Variants in ABCG5 observed in about 807,000 individuals in gnomAD.
ABCG5 encodes the protein ATP-binding cassette sub-family G member 5.
A neutral mutation model predicts 64.5 loss-of-function variants in ABCG5; 64 were observed. The observed-to-expected ratio is 0.99, with a 90% CI of 0.81 to 1.22. The LOEUF (loss-of-function observed/expected upper bound fraction) is 1.22, where lower values mean the gene tolerates loss of function less well. Ranked by LOEUF, ABCG5 falls within the 50% of genes most tolerant of loss-of-function variation. ABCG5 has a pLI of 0.00. For synonymous variants in ABCG5, 385 were observed against 326.3 expected, an observed-to-expected ratio of 1.18 and a Z score of -1.94; for missense variants, 908 against 829.5, an observed-to-expected ratio of 1.09 and a Z score of -1.16.
At chr2:43,838,916 G>T, upstream of ABCG5, 1 of 1,182,064 alleles carries the variant, frequency 8.5e-7, no homozygotes, top group Non-Finnish European at 1.2e-6. This position sits in a 1 kb window ranked among gnomAD's most constrained non-coding sequence, Gnocchi z 4.2. Context: ...TTGCCAGCAA[G>T]GAATGCTGGG....
rs377497967 is a variant in ABCG5, at chr2:43,826,459, C to G, written c.697G>C (p.Val233Leu). The G allele has an allele frequency of 6.2e-7, 1 of 1,614,102 alleles. No homozygotes were observed. Among genetic ancestry groups the G allele is most frequent in the Non-Finnish European group, 8.5e-7 (1 of 1,180,030 alleles). The change falls in exon 6 of 13, where the codon GTC becomes CTC. Residue 233 changes from valine (V) to leucine (L), a missense_variant. Val to Leu is a conservative substitution (Grantham distance 32, BLOSUM62 1). Coordinates refer to ENST00000405322, the MANE Select transcript of ABCG5 (RefSeq NM_022436.3). ...CTGCGAGCCAGTTCCACCAGGAGGACGACAATCTGATTAGCAGTCATGCAG... is the reference window on the plus strand; with the variant it reads ...CTGCGAGCCAGTTCCACCAGGAGGAGGACAATCTGATTAGCAGTCATGCAG... ...LDCMTANQIV[V>L]LLVELARRNR... is the part of the protein sequence containing the mutation.
chr2:43,817,223 G>A (rs559715292), intron 11 of ABCG5, among the ~76,000 whole-genome samples: 5 of 152,302 alleles, frequency 3.3e-5, no homozygotes, highest in South Asian at 2.1e-4. Context: ...AGTGGCTCAC[G>A]CCTGTAATCC....
At chr2:43,818,507 CAT>C (rs944630699) in intron 11 of ABCG5, among the ~76,000 whole-genome samples, 9 of 152,114 alleles carry the variant, frequency 5.9e-5, no homozygotes, top group African/African-American at 2.2e-4. Context: ...CTCAAAAAAT[CAT>C]AAGTCGGGGA....
intron 2 of ABCG5, among the ~76,000 whole-genome samples, chr2:43,836,752 G>A (rs1185171426): frequency 6.6e-6 from 1 of 152,192 alleles, no homozygotes; most frequent in Non-Finnish European, 1.5e-5. Flanking sequence ...TGGGAAAGAG[G>A]AGGAGAAGGA....
In ABCG5 at chr2:43,823,994, C is replaced by A; in HGVS notation, c.1243G>T (p.Ala415Ser). ...LRVRSNVLKG[A>S]IQDRVGLLYQ... Reference sequence around the variant, plus strand: ...AGGAGACCTACGCGGTCCTGGATAGCACCCTTTAGCACATTGCTTCGGACC... The same window carrying A: ...AGGAGACCTACGCGGTCCTGGATAGAACCCTTTAGCACATTGCTTCGGACC... The change falls in exon 9 of 13, where the codon GCT becomes TCT. Residue 415 changes from alanine (A) to serine (S), a missense_variant. Ala to Ser is a moderately conservative substitution (Grantham distance 99). Coordinates refer to ENST00000405322, the MANE Select transcript of ABCG5 (RefSeq NM_022436.3). The A allele has an allele frequency of 6.2e-7, 1 of 1,614,210 alleles. No individual in the cohort carries two copies. The highest frequency in any genetic ancestry group is 1.7e-5 in the Admixed American group (1 of 60,028).
intron 10 of ABCG5, among the ~76,000 whole-genome samples, chr2:43,822,305 C>G (rs1255390179): frequency 6.6e-6 from 1 of 152,172 alleles, no homozygotes; most frequent in Non-Finnish European, 1.5e-5. Context: ...GTGTTTATGA[C>G]ACTTCCTTGA....
At chr2:43,817,667 T>G (rs1037471050) in intron 11 of ABCG5, among the ~76,000 whole-genome samples, 5 of 152,170 alleles carry the variant, frequency 3.3e-5, no homozygotes, top group African/African-American at 9.6e-5. Context: ...CCCAGCACTT[T>G]GGGAGGCCAA....
chr2:43,818,693 C>G (rs1667002387), intron 11 of ABCG5, among the ~76,000 whole-genome samples: 1 of 152,154 alleles, frequency 6.6e-6, no homozygotes, highest in East Asian at 1.9e-4. Flanking sequence ...GCAACACGGA[C>G]AAATACAATA....
intron 11 of ABCG5, among the ~76,000 whole-genome samples, chr2:43,816,483 G>A (rs886161009): frequency 8.5e-5 from 13 of 152,194 alleles, no homozygotes; most frequent in Non-Finnish European, 5.9e-5. Context: ...GAGAAGCAGC[G>A]GGAGGAACCA....
chr2:43,822,225 C>A (rs1002853103), intron 10 of ABCG5, among the ~76,000 whole-genome samples: 6 of 152,166 alleles, frequency 3.9e-5, no homozygotes, highest in Non-Finnish European at 7.3e-5. Flanking sequence ...TCTACCGAAG[C>A]TCTTTTTTGG....
chr2:43,835,682 T>C (rs1668217730), intron 2 of ABCG5, among the ~76,000 whole-genome samples: 1 of 152,086 alleles, frequency 6.6e-6, no homozygotes, highest in African/African-American at 2.4e-5. Flanking sequence ...TGGGAGATGA[T>C]TAGGTTATGG....
chr2:43,822,883 C>T lies in ABCG5; in HGVS notation c.1377G>A (p.Gln459=). ...SDQESQDGLY[Q]KWQMMLAYAL... The stretch of plus-strand genomic sequence containing the variant: ...CATAGGCCAGCATCATCTGCCACTT[C>T]TGGTAGAGGCCGTCCTGACTCTCCT... Residue 459 remains glutamine, a synonymous_variant, in exon 10 of 13, where the codon CAG becomes CAA. Transcript: ENST00000405322. The T allele has an allele frequency of 6.2e-7, 1 of 1,614,158 alleles. No homozygotes were observed. The highest frequency in any genetic ancestry group is 8.5e-7 in the Non-Finnish European group (1 of 1,180,024).
intron 11 of ABCG5, among the ~76,000 whole-genome samples, chr2:43,817,802 C>T (rs910040893): frequency 3.3e-5 from 5 of 151,716 alleles, no homozygotes; most frequent in Non-Finnish European, 5.9e-5. Flanking sequence ...CCCAGCTACT[C>T]GGGAGGCTGA....
chr2:43,816,963 TAA>T (rs1223265155), intron 11 of ABCG5, among the ~76,000 whole-genome samples: 1 of 152,138 alleles, frequency 6.6e-6, no homozygotes, highest in East Asian at 1.9e-4. Flanking sequence ...CCTTTGTGTT[TAA>T]AAGAGAAGGG....
rs754182377 is a variant in ABCG5, at chr2:43,812,957, A to G, written c.*159T>C. 1.5e-6 allele frequency: 1 copy of G among 645,604 alleles called. No individual in the cohort carries two copies. The highest frequency in any genetic ancestry group is 2.8e-6 in the Non-Finnish European group (1 of 356,588). 40.0% of individuals were successfully genotyped at this position (645,604 alleles called of 1,614,324 possible). A position where few individuals can be genotyped will look rare whatever the true frequency, so the allele number is the denominator to read the frequency against. ...CTATAAACCACTTCCATTGCATTCA[A>G]GGCCTGCTTGGATCCAAGAGGCACA... On this transcript the variant is annotated 3_prime_UTR_variant, in exon 13 of 13. Transcript: ENST00000405322.
the ABCG5 span, among the ~76,000 whole-genome samples, chr2:43,807,130 T>C: frequency 4.6e-5 from 7 of 152,172 alleles, no homozygotes; most frequent in African/African-American, 1.7e-4. Flanking sequence ...ATTTGAATAT[T>C]ATTTCATACT....
Position 43,832,118 on chromosome 2 carries a change from A to T in ABCG5, c.266-35T>A, listed in dbSNP as rs1270296322. The T allele has an allele frequency of 5.1e-6, 8 of 1,561,030 alleles. No homozygotes were observed. In the Admixed American group the frequency reaches 5.8e-5, roughly 11 times the overall value. On this transcript the variant is annotated intron_variant, in intron 2 of 12. Coordinates refer to ENST00000405322, the MANE Select transcript of ABCG5 (RefSeq NM_022436.3). ...GACAACAGAAGGCCCTAGAGGAACC[A>T]CTCTGTGCCGGCCTTGGAGGAGCTT...
chr2:43,811,733 T>G (rs1666488716), downstream of ABCG5, among the ~76,000 whole-genome samples: 1 of 152,048 alleles, frequency 6.6e-6, no homozygotes, highest in Non-Finnish European at 1.5e-5. Flanking sequence ...TAGCTGGGAC[T>G]ACAGGCGCCT....
chr2:43,833,227 T>C (rs1668058176), intron 2 of ABCG5, among the ~76,000 whole-genome samples: 1 of 152,068 alleles, frequency 6.6e-6, no homozygotes, highest in Non-Finnish European at 1.5e-5. Flanking sequence ...TCCCAGGCCT[T>C]TCCTATCCAA....
Sources: allele counts gnomAD v4.1 joint callset (sites outside exome capture counted in the v4.1 genomes callset), GRCh38; gene constraint gnomAD v4.1.1; non-coding constraint Gnocchi (gnomAD v3.1); transcripts MANE v1.5; gene names NCBI Gene and HGNC (gene_info 2026-07-23, HGNC 2026-07-21).